Variants in SLCO1C1 observed in about 807,000 individuals in gnomAD.
SLCO1C1 encodes the protein OAT-RP-5.
In SLCO1C1, 70 loss-of-function variants were observed where a neutral mutation model predicts 76.4. The ratio of observed to expected loss-of-function variants is 0.92; its 90% CI spans 0.76 to 1.12. The LOEUF is 1.12. SLCO1C1 is among the 50% of genes most tolerant of loss of function. SLCO1C1 has a pLI of 0.00. For missense variants in SLCO1C1, 912 were observed against 823.8 expected (o/e 1.11, Z -1.31); for synonymous variants, 306 against 286.1 (o/e 1.07, Z -0.70).
At position 20,729,270 on chromosome 12, in the gene SLCO1C1, C is replaced by T. The variant is rs773213451; in HGVS notation, c.1187-3639C>T. On this transcript the variant is annotated intron_variant, in intron 9 of 14. Coordinates refer to ENST00000266509, the MANE Select transcript of SLCO1C1 (RefSeq NM_017435.5). ...AATTTGAAAGGGAGAATCAAGCCAACGTTATATTTGAAATGTACTAATCTT... is the reference window on the plus strand; with the variant it reads ...AATTTGAAAGGGAGAATCAAGCCAATGTTATATTTGAAATGTACTAATCTT... Among the ~76,000 whole-genome samples, 15 of 152,158 alleles carry T rather than the reference C, an allele frequency of 9.9e-5. No individual in the cohort carries two copies. The East Asian group carries it at 1.4e-3, about 14-fold the overall frequency.
intron 9 of SLCO1C1, among the ~76,000 whole-genome samples, chr12:20,724,411 G>GTATA (rs1168220832): frequency 4.5e-5 from 4 of 88,202 alleles, no homozygotes; most frequent in African/African-American, 1.9e-4. Context: ...GTGTGTGTGT[G>GTATA]TATATATATA....
chr12:20,730,633 A>C (rs1948223418), intron 9 of SLCO1C1, among the ~76,000 whole-genome samples: 1 of 152,126 alleles, frequency 6.6e-6, no homozygotes, highest in Non-Finnish European at 1.5e-5. Flanking sequence ...TTCAGCTGGA[A>C]AAGCAAAAGT....
chr12:20,730,106 T>C (rs375264633), intron 9 of SLCO1C1, among the ~76,000 whole-genome samples: 2 of 152,252 alleles, frequency 1.3e-5, no homozygotes, highest in African/African-American at 4.8e-5. Flanking sequence ...CAATTGGTAC[T>C]TTACAAAATA....
intron 5 of SLCO1C1, among the ~76,000 whole-genome samples, chr12:20,714,541 T>C (rs1275170679): frequency 6.6e-6 from 1 of 152,202 alleles, no homozygotes; most frequent in Admixed American, 6.5e-5. Flanking sequence ...TGCTAAAGTA[T>C]AGGGATTTAT....
In SLCO1C1 at chr12:20,698,810, A is replaced by C. The variant is rs1246630383; in HGVS notation, c.-25-742A>C. 2.0e-5 allele frequency among the ~76,000 whole-genome samples: 3 copies of C among 152,056 alleles called. No individual in the cohort carries two copies. In the East Asian group the frequency reaches 5.8e-4, roughly 29 times the overall value. On this transcript the variant is annotated intron_variant, in intron 1 of 14. Transcript: ENST00000266509. ...CACTGAGCCATGTGGAATCCTAAAGAAGTAGGGGCACAGGATATGTAAATA... is the reference window on the plus strand; with the variant it reads ...CACTGAGCCATGTGGAATCCTAAAGCAGTAGGGGCACAGGATATGTAAATA...
intron 6 of SLCO1C1, 29 bp downstream of exon 6, chr12:20,715,314 T>A: frequency 6.2e-7 from 1 of 1,609,150 alleles, no homozygotes; most frequent in Non-Finnish European, 8.5e-7. Context: ...TTCACTTATC[T>A]TCTTGGGAAG....
intron 9 of SLCO1C1, among the ~76,000 whole-genome samples, chr12:20,727,981 T>C (rs74889944): frequency 0.034 from 5,124 of 152,332 alleles, 163 homozygotes; most frequent in Non-Finnish European, 0.051. Flanking sequence ...TTCTTTTTAC[T>C]TCCTTGATGG....
chr12:20,710,576 G>A (rs1947040118), intron 4 of SLCO1C1, among the ~76,000 whole-genome samples: 1 of 152,122 alleles, frequency 6.6e-6, no homozygotes, highest in Non-Finnish European at 1.5e-5. Context: ...TGCCCACTAA[G>A]CAATGGCTCT....
chr12:20,720,717 G>T (rs2120745252), intron 7 of SLCO1C1, among the ~76,000 whole-genome samples: 2 of 152,302 alleles, frequency 1.3e-5, no homozygotes, highest in South Asian at 4.1e-4. Context: ...GCTTGAACAG[G>T]CTGGGCGCGG....
Position 20,752,538 on chromosome 12 carries a change from G to C in SLCO1C1, c.*10G>C. The stretch of plus-strand genomic sequence containing the variant: ...GGAAACTCAACTTTAGAAACATGAT[G>C]ACTGGAAGTCATGTCTTCTAATTGG... On this transcript the variant is annotated 3_prime_UTR_variant, in exon 15 of 15. Transcript: ENST00000266509. The C allele has an allele frequency of 6.4e-7, 1 of 1,561,864 alleles. No homozygotes were observed.
chr12:20,724,401 GTGTGTGTGTGTATATATA>G (rs1285975273), intron 9 of SLCO1C1, among the ~76,000 whole-genome samples: 1 of 21,650 alleles, frequency 4.6e-5, no homozygotes, highest in African/African-American at 1.4e-4. Context: ...TAATGTGTGT[GTGTGTGTGTGTATATATA>G]TATATATATA....
chr12:20,725,577 G>T lies in SLCO1C1; in HGVS notation c.1186+2323G>T, dbSNP rs1947939122. 3.4e-5 allele frequency among the ~76,000 whole-genome samples: 5 copies of T among 147,768 alleles called. No homozygotes were observed. In the South Asian group the frequency reaches 1.0e-3, roughly 31 times the overall value. On this transcript the variant is annotated intron_variant, in intron 9 of 14. Transcript: ENST00000266509. ...ATTTTTCATGGTTATACCCTGGAGT[G>T]CAATGGACATTTGTGTTGTTTTCTT... is the stretch of plus-strand genomic sequence containing the variant.
chr12:20,711,613 T>G (rs1947106213), intron 5 of SLCO1C1, 103 bp downstream of exon 5: 1 of 1,244,504 alleles, frequency 8.0e-7, no homozygotes. Context: ...TCCCAAAAGC[T>G]TTACTACTTA....
chr12:20,710,865 T>TG (rs1032213452), intron 4 of SLCO1C1, among the ~76,000 whole-genome samples: 2 of 152,088 alleles, frequency 1.3e-5, no homozygotes, highest in South Asian at 2.1e-4. Flanking sequence ...CTTTTTCACC[T>TG]GGGGGGAGGT....
At chr12:20,730,746 A>G (rs928598650) in intron 9 of SLCO1C1, among the ~76,000 whole-genome samples, 8 of 152,164 alleles carry the variant, frequency 5.3e-5, no homozygotes, top group Non-Finnish European at 1.2e-4. Flanking sequence ...TATACAACCT[A>G]TGGTCAAATA....
intron 9 of SLCO1C1, among the ~76,000 whole-genome samples, chr12:20,730,546 G>T (rs2120813025): frequency 1.3e-5 from 2 of 152,080 alleles, no homozygotes; most frequent in Non-Finnish European, 2.9e-5. Context: ...TAGTAATCAG[G>T]TGCCTCTAAG....
chr12:20,717,313 T>G, intron 7 of SLCO1C1, 83 bp downstream of exon 7: 1 of 1,106,588 alleles, frequency 9.0e-7, no homozygotes, highest in Admixed American at 2.9e-5. Flanking sequence ...ATTATCAAAT[T>G]GCCTTTTTAT....
Position 20,699,679 on chromosome 12 carries a change from A to G in SLCO1C1, c.103A>G (p.Lys35Glu), listed in dbSNP as rs1171547809. The change falls in exon 2 of 15, where the codon AAG (lysine) becomes GAG (glutamate). Residue 35 changes from lysine (K) to glutamate (E), a missense_variant. Physicochemically the swap from Lys to Glu is moderately conservative, Grantham distance 56. Coordinates refer to ENST00000266509, the MANE Select transcript of SLCO1C1 (RefSeq NM_017435.5). ...AACAGAATATCCCTCCTCAGAAGAA[A>G]AGCAACCATGCTGTGGTGAACTAAA... ...FKTEYPSSEE[K>E]QPCCGELKVF... 11 of 1,611,940 alleles carry G rather than the reference A, an allele frequency of 6.8e-6. No individual in the cohort carries two copies. The highest frequency in any genetic ancestry group is 9.3e-6 in the Non-Finnish European group (11 of 1,178,948).
At chr12:20,748,246 C>T (rs752687417) in intron 13 of SLCO1C1, among the ~76,000 whole-genome samples, 17 of 152,116 alleles carry the variant, frequency 1.1e-4, no homozygotes, top group Non-Finnish European at 2.1e-4. Context: ...CCATTTGTTG[C>T]GAAAATTTCA....
Sources: gnomAD v4.1 joint callset for allele counts (sites outside exome capture counted in the v4.1 genomes callset) on GRCh38, gnomAD v4.1.1 for gene constraint, MANE v1.5 for transcripts, NCBI Gene and HGNC (gene_info 2026-07-23, HGNC 2026-07-21) for gene names.